The following PPP2R5E variants were observed in gnomAD, a reference collection of about 807,000 sequenced individuals.
The protein encoded by PPP2R5E is serine/threonine-protein phosphatase 2A 56 kDa regulatory subunit epsilon isoform.
PPP2R5E carries 4 observed loss-of-function variants against 65.3 expected under a neutral mutation model. The observed-to-expected ratio is 0.06, with a 90% CI of 0.03 to 0.14. The LOEUF is 0.14. Ranked by LOEUF, PPP2R5E falls within the 10% of genes least tolerant of loss-of-function variation. PPP2R5E has a pLI of 1.00. For missense variants in PPP2R5E, 274 were observed against 556.1 expected (o/e 0.49, Z 5.10); for synonymous variants, 183 against 187.4 (o/e 0.98, Z 0.19).
At chr14:63,462,148 GC>G (rs1356030021) in intron 2 of PPP2R5E, among the ~76,000 whole-genome samples, 1 of 151,240 alleles carries the variant, frequency 6.6e-6, no homozygotes, top group African/African-American at 2.4e-5. Flanking sequence ...TCGGCTCACT[GC>G]AAGCTCCGCC....
At chr14:63,432,916 T>C (rs1042112544) in intron 3 of PPP2R5E, among the ~76,000 whole-genome samples, 2 of 152,082 alleles carry the variant, frequency 1.3e-5, no homozygotes, top group African/African-American at 4.8e-5. Flanking sequence ...AGTTCTAAAT[T>C]AGACCAAACT....
chr14:63,439,989 T>C (rs940276485), intron 3 of PPP2R5E, among the ~76,000 whole-genome samples: 2 of 152,222 alleles, frequency 1.3e-5, no homozygotes, highest in African/African-American at 4.8e-5. Context: ...ATACGTTTTC[T>C]GTGGGTCCTA....
intron 2 of PPP2R5E, among the ~76,000 whole-genome samples, chr14:63,455,153 A>C (rs1336157139): frequency 6.6e-6 from 1 of 151,760 alleles, no homozygotes; most frequent in African/African-American, 2.4e-5. Flanking sequence ...AGCATACAGC[A>C]CCCCCCTTAC....
intron 2 of PPP2R5E, among the ~76,000 whole-genome samples, chr14:63,468,207 T>A (rs1889935782): frequency 6.6e-6 from 1 of 152,228 alleles, no homozygotes; most frequent in Non-Finnish European, 1.5e-5. Flanking sequence ...ACACAGAATG[T>A]TTACTGAATA....
intron 2 of PPP2R5E, among the ~76,000 whole-genome samples, chr14:63,511,454 G>C (rs1255640): frequency 0.023 from 3,470 of 152,260 alleles, 115 homozygotes; most frequent in African/African-American, 0.079. Flanking sequence ...GAGGAGAAGA[G>C]AACCATCACA....
intron 3 of PPP2R5E, among the ~76,000 whole-genome samples, chr14:63,430,365 A>ATGCATG (rs1887579683): frequency 5.3e-5 from 7 of 132,306 alleles, no homozygotes; most frequent in South Asian, 4.5e-4. Flanking sequence ...ATACATACAT[A>ATGCATG]CATACATGCA....
At chr14:63,463,813 G>A (rs1403876648) in intron 2 of PPP2R5E, among the ~76,000 whole-genome samples, 1 of 151,952 alleles carries the variant, frequency 6.6e-6, no homozygotes, top group Non-Finnish European at 1.5e-5. Flanking sequence ...CGCCAGGATG[G>A]TCTGGATCTC....
At chr14:63,521,902 C>G (rs946257259) in intron 2 of PPP2R5E, among the ~76,000 whole-genome samples, 1 of 151,830 alleles carries the variant, frequency 6.6e-6, no homozygotes, top group Admixed American at 6.6e-5. Flanking sequence ...GGTTGTGCAA[C>G]CAGAGGCTGA....
chr14:63,478,588 G>A (rs987450996), intron 2 of PPP2R5E, among the ~76,000 whole-genome samples: 2 of 120,260 alleles, frequency 1.7e-5, no homozygotes, highest in African/African-American at 4.6e-5. Flanking sequence ...TGGAAAACAC[G>A]GTCATGGGAG....
chr14:63,510,561 C>A (rs1594955982), intron 2 of PPP2R5E, among the ~76,000 whole-genome samples: 1 of 152,176 alleles, frequency 6.6e-6, no homozygotes, highest in Non-Finnish European at 1.5e-5. Flanking sequence ...GACATATAAA[C>A]AGAGACCTTA....
chr14:63,527,041 T>C (rs1893212804), intron 2 of PPP2R5E, among the ~76,000 whole-genome samples: 2 of 152,186 alleles, frequency 1.3e-5, no homozygotes, highest in South Asian at 4.1e-4. Context: ...TGGTGGCACA[T>C]GCCTGTAATC....
chr14:63,502,888 G>A (rs969796936), intron 2 of PPP2R5E, among the ~76,000 whole-genome samples: 1 of 152,190 alleles, frequency 6.6e-6, no homozygotes, highest in Admixed American at 6.5e-5. Flanking sequence ...AGCACTTTGC[G>A]AGGCCAAGGC....
At chr14:63,487,823 T>C (rs530947705) in intron 2 of PPP2R5E, among the ~76,000 whole-genome samples, 1 of 152,306 alleles carries the variant, frequency 6.6e-6, no homozygotes, top group South Asian at 2.1e-4. Context: ...TAATCACTTT[T>C]TCTTAATTTT....
intron 4 of PPP2R5E, 122 bp downstream of exon 4, chr14:63,421,871 A>G (rs1887044372): frequency 2.8e-6 from 2 of 707,628 alleles, no homozygotes; most frequent in South Asian, 1.9e-5. Context: ...ACATTCTCTA[A>G]CTTTCCATTA....
chr14:63,389,854 A>G (rs529176944), intron 10 of PPP2R5E, 123 bp from the exon 11 acceptor site: 1 of 1,049,112 alleles, frequency 9.5e-7, no homozygotes, highest in African/African-American at 1.6e-5. Flanking sequence ...CCAAACATAC[A>G]TGAACCAGTC....
chr14:63,523,449 CA>C (rs1485261271), intron 2 of PPP2R5E, among the ~76,000 whole-genome samples: 2 of 151,684 alleles, frequency 1.3e-5, no homozygotes, highest in Admixed American at 6.6e-5. Flanking sequence ...TGTGTCCACT[CA>C]AGGTTAAATG....
At chr14:63,491,548 T>C (rs1167588031) in intron 2 of PPP2R5E, among the ~76,000 whole-genome samples, 6 of 152,140 alleles carry the variant, frequency 3.9e-5, no homozygotes, top group Non-Finnish European at 4.4e-5. Context: ...AGAAAGTATA[T>C]TATTAAAATT....
intron 1 of PPP2R5E, among the ~76,000 whole-genome samples, chr14:63,540,535 A>C (rs554072260): frequency 1.3e-5 from 2 of 150,582 alleles, no homozygotes; most frequent in African/African-American, 4.9e-5. Context: ...ACCAACATGG[A>C]GAAACCCCAT....
At chr14:63,400,119 A>G (rs1323332421) in intron 5 of PPP2R5E, among the ~76,000 whole-genome samples, 1 of 152,166 alleles carries the variant, frequency 6.6e-6, no homozygotes, top group Non-Finnish European at 1.5e-5. Context: ...TCATTCATTC[A>G]TCTGTTCATT....
Sources: gnomAD v4.1 joint callset for allele counts (sites outside exome capture counted in the v4.1 genomes callset) on GRCh38, gnomAD v4.1.1 for gene constraint, MANE v1.5 for transcripts, NCBI Gene and HGNC (gene_info 2026-07-23, HGNC 2026-07-21) for gene names.